ZNF385D: variants seen among roughly 807,000 people sequenced by gnomAD.
The protein encoded by ZNF385D is zinc finger protein 659.
In ZNF385D, 15 loss-of-function variants were observed where a neutral mutation model predicts 35.8. That is an observed-to-expected ratio of 0.42 (90% CI 0.28 to 0.64). ZNF385D has a LOEUF of 0.64. Among genes scored for constraint, ZNF385D ranks in the 30% least tolerant of loss-of-function variants. The pLI is 0.23. For missense variants in ZNF385D, 474 were observed against 494.6 expected, an observed-to-expected ratio of 0.96 and a Z score of 0.39; for synonymous variants, 212 against 186.8, an observed-to-expected ratio of 1.13 and a Z score of -1.10.
At chr3:22,255,463 C>T (rs1468789635) in intron 2 of ZNF385D, among the ~76,000 whole-genome samples, 1 of 151,806 alleles carries the variant, frequency 6.6e-6, no homozygotes, top group Admixed American at 6.6e-5. Context: ...CTTAACAAGT[C>T]TAGATAAATC....
chr3:21,935,765 A>G (rs928570988), intron 3 of ZNF385D, among the ~76,000 whole-genome samples: 8 of 152,138 alleles, frequency 5.3e-5, no homozygotes, highest in Non-Finnish European at 1.2e-4. Context: ...ACTTGAAACT[A>G]AACTTTACTT....
chr3:21,660,343 C>A (rs1230967959), intron 2 of ZNF385D, among the ~76,000 whole-genome samples: 3 of 152,106 alleles, frequency 2.0e-5, no homozygotes, highest in Non-Finnish European at 4.4e-5. Context: ...CTCACTCTTC[C>A]TTGTGCATAT....
intron 2 of ZNF385D, among the ~76,000 whole-genome samples, chr3:22,346,879 T>C (rs1695681801): frequency 6.6e-6 from 1 of 152,224 alleles, no homozygotes; most frequent in Admixed American, 6.5e-5. Flanking sequence ...AGTGCGACAC[T>C]ACACTATCAT....
chr3:21,647,330 CTTCCT>C (rs1268356301), intron 2 of ZNF385D, among the ~76,000 whole-genome samples: 3 of 151,574 alleles, frequency 2.0e-5, no homozygotes, highest in Non-Finnish European at 2.9e-5. Context: ...TCCTTCCTTC[CTTCCT>C]TTCTTCATTC....
chr3:22,176,778 C>T (rs1357274985), intron 2 of ZNF385D, among the ~76,000 whole-genome samples: 2 of 152,264 alleles, frequency 1.3e-5, no homozygotes, highest in East Asian at 3.9e-4. Flanking sequence ...AAATGACTCA[C>T]CATGAAAGCA....
intron 2 of ZNF385D, among the ~76,000 whole-genome samples, chr3:22,266,591 CCTAGTCTTAGGGAA>C (rs1362837306): frequency 6.6e-6 from 1 of 151,748 alleles, no homozygotes; most frequent in African/African-American, 2.4e-5. Context: ...ATGTAAGAGC[CCTAGTCTTAGGGAA>C]CTTTGCCAGT....
intron 3 of ZNF385D, among the ~76,000 whole-genome samples, chr3:22,153,016 A>T (rs1705344414): frequency 6.6e-6 from 1 of 152,108 alleles, no homozygotes; most frequent in African/African-American, 2.4e-5. Flanking sequence ...ATGGTGAAAA[A>T]TAGGGAGATG....
intron 3 of ZNF385D, among the ~76,000 whole-genome samples, chr3:22,078,803 G>A (rs758567083): frequency 2.6e-5 from 4 of 151,988 alleles, no homozygotes; most frequent in Non-Finnish European, 5.9e-5. Flanking sequence ...ATAGGATATG[G>A]TTTCAAAATA....
At chr3:22,277,149 G>T (rs1701472588) in intron 2 of ZNF385D, among the ~76,000 whole-genome samples, 1 of 152,002 alleles carries the variant, frequency 6.6e-6, no homozygotes, top group African/African-American at 2.4e-5. Context: ...ACTCCCAAAA[G>T]GAAGTAAAAA....
chr3:21,704,053 C>T (rs978143922), intron 1 of ZNF385D, among the ~76,000 whole-genome samples: 1 of 152,184 alleles, frequency 6.6e-6, no homozygotes, highest in African/African-American at 2.4e-5. Flanking sequence ...TGTTGTGCCC[C>T]TTTTTCATAT....
intron 2 of ZNF385D, among the ~76,000 whole-genome samples, chr3:22,225,446 C>G (rs1021176022): frequency 6.6e-6 from 1 of 152,080 alleles, no homozygotes; most frequent in Non-Finnish European, 1.5e-5. Flanking sequence ...AAATTTCTTT[C>G]CCCACTGAAA....
intron 1 of ZNF385D, among the ~76,000 whole-genome samples, chr3:21,717,790 C>T (rs2068382786): frequency 6.6e-6 from 1 of 152,144 alleles, no homozygotes; most frequent in African/African-American, 2.4e-5. Flanking sequence ...CACCTTCTGC[C>T]ATGATTGTGA....
intron 4 of ZNF385D, among the ~76,000 whole-genome samples, chr3:21,475,322 ATC>A (rs1206670141): frequency 6.6e-6 from 1 of 152,090 alleles, no homozygotes; most frequent in African/African-American, 2.4e-5. Flanking sequence ...GTCTGAAGGT[ATC>A]TGTTTCAAAT....
At chr3:21,718,252 A>G (rs933069619) in intron 1 of ZNF385D, among the ~76,000 whole-genome samples, 12 of 152,222 alleles carry the variant, frequency 7.9e-5, no homozygotes, top group African/African-American at 2.7e-4. Context: ...ACTCCTGATC[A>G]ATCCTTCCAT....
At chr3:21,422,540 A>G (rs1405909653) in intron 7 of ZNF385D, among the ~76,000 whole-genome samples, 4 of 152,182 alleles carry the variant, frequency 2.6e-5, no homozygotes, top group Non-Finnish European at 5.9e-5. Context: ...ACAAAACAAA[A>G]AAACAAAACT....
chr3:21,979,576 C>T (rs545338988), intron 3 of ZNF385D: 9 of 152,296 alleles, frequency 5.9e-5, no homozygotes, highest in African/African-American at 2.2e-4. Context: ...AAACTCCTGC[C>T]TCACTTCATT....
intron 2 of ZNF385D, among the ~76,000 whole-genome samples, chr3:22,265,873 C>T (rs552940480): frequency 1.3e-4 from 20 of 152,044 alleles, no homozygotes; most frequent in Admixed American, 3.9e-4. Context: ...AGAGGTTAAG[C>T]CACATACCTT....
chr3:21,612,876 C>T (rs2064725994), intron 2 of ZNF385D, among the ~76,000 whole-genome samples: 1 of 152,048 alleles, frequency 6.6e-6, no homozygotes, highest in Non-Finnish European at 1.5e-5. Flanking sequence ...TAAAATAAAA[C>T]ACCTTAAATG....
intron 3 of ZNF385D, among the ~76,000 whole-genome samples, chr3:22,150,374 A>C (rs900043065): frequency 5.9e-5 from 9 of 152,062 alleles, no homozygotes; most frequent in African/African-American, 1.9e-4. Context: ...CTTCAGTGAG[A>C]AAGAGCTGTA....
Sources: gnomAD v4.1 joint callset for allele counts (sites outside exome capture counted in the v4.1 genomes callset) on GRCh38, gnomAD v4.1.1 for gene constraint, MANE v1.5 for transcripts, NCBI Gene and HGNC (gene_info 2026-07-23, HGNC 2026-07-21) for gene names.